The following CNTNAP3B variants were observed in gnomAD, a reference collection of about 807,000 sequenced individuals.
CNTNAP3B encodes the protein contactin associated protein family member 3B.
CNTNAP3B carries 25 observed loss-of-function variants against 108.9 expected under a neutral mutation model. The observed-to-expected ratio is 0.23, with a 90% CI of 0.17 to 0.32. The LOEUF is 0.32. Ranked by LOEUF, CNTNAP3B falls within the 10% of genes least tolerant of loss-of-function variation. The pLI is 1.00. For missense variants in CNTNAP3B, 252 were observed against 1,210.4 expected, an observed-to-expected ratio of 0.21 and a Z score of 11.75; for synonymous variants, 103 against 473.4, an observed-to-expected ratio of 0.22 and a Z score of 10.16.
chr9:41,979,944 C>CTTTTT (rs1214654461), intron 9 of CNTNAP3B: 1 of 42,386 alleles, frequency 2.4e-5, no homozygotes, highest in Non-Finnish European at 3.6e-5. Context: ...TTGAGGAAAC[C>CTTTTT]TTTTTTTTTT....
In CNTNAP3B at chr9:42,047,670, C is replaced by T. The variant is rs1365167211; in HGVS notation, c.390+29199G>A. Among the ~76,000 whole-genome samples, 3 of 13,242 alleles carry T rather than the reference C, an allele frequency of 2.3e-4. 1 individual carries two copies. The Admixed American group carries it at 3.2e-3, about 14-fold the overall frequency. The allele number at this position is 13,242 out of a possible 152,430, so 8.7% of individuals were successfully genotyped here. A position where few individuals can be genotyped will look rare whatever the true frequency, so the allele number is the denominator to read the frequency against. ...CCCCTTCCCCCCTCCCCCCTTCTGC[C>T]CCTTCCTCCCTTCCTTCCTTCCTTC... is the stretch of plus-strand genomic sequence containing the variant. On this transcript the variant is annotated intron_variant, in intron 3 of 23. Transcript: ENST00000377561.
chr9:42,097,773 A>G (rs1433604725), intron 2 of CNTNAP3B, among the ~76,000 whole-genome samples: 2 of 135,866 alleles, frequency 1.5e-5, no homozygotes, highest in East Asian at 4.4e-4. Context: ...GAACTGCTCT[A>G]TGGGGTTAGT....
intron 11 of CNTNAP3B, among the ~76,000 whole-genome samples, chr9:41,962,331 T>G (rs764184313): frequency 4.4e-4 from 66 of 151,262 alleles, no homozygotes; most frequent in South Asian, 4.3e-3. Context: ...CGTCAATTAT[T>G]AGATGAGACT....
intron 9 of CNTNAP3B, chr9:41,979,944 CTTTTTTTTTTTT>C (rs1214654461): frequency 7.1e-5 from 3 of 42,388 alleles, no homozygotes; most frequent in African/African-American, 1.4e-4. Flanking sequence ...TTGAGGAAAC[CTTTTTTTTTTTT>C]TTTTTTTTTT....
chr9:41,934,140 T>TATATATATACAC (rs1824076436), intron 14 of CNTNAP3B, among the ~76,000 whole-genome samples: 2 of 113,374 alleles, frequency 1.8e-5, no homozygotes, highest in African/African-American at 6.3e-5. Context: ...CATATATATA[T>TATATATATACAC]ACACACACAT....
At position 42,049,264 on chromosome 9, in the gene CNTNAP3B, C is replaced by G. The variant is rs967007619; in HGVS notation, c.390+27605G>C. On this transcript the variant is annotated intron_variant, in intron 3 of 23. Transcript: ENST00000377561. ...TAAACTCTGTGTTGACTGTACACCT[C>G]TAGATATTCCCAGATCTCTCACTCC... 1.5e-4 allele frequency among the ~76,000 whole-genome samples: 21 copies of G among 138,884 alleles called. 3 individuals carry two copies. Among genetic ancestry groups the G allele is most frequent in the African/African-American group, 6.0e-4 (21 of 34,856 alleles). 91.1% of individuals were successfully genotyped at this position (138,884 alleles called of 152,430 possible).
intron 15 of CNTNAP3B, among the ~76,000 whole-genome samples, chr9:41,926,387 A>G (rs1259297328): frequency 6.6e-6 from 1 of 152,310 alleles, no homozygotes; most frequent in Non-Finnish European, 1.5e-5. Context: ...TAAGGAAAGG[A>G]AAAGAGAAAC....
rs1412113873 is a variant in CNTNAP3B, at chr9:42,126,677, C to T, written c.85+2333G>A. 1.3e-4 allele frequency among the ~76,000 whole-genome samples: 17 copies of T among 135,704 alleles called. 4 individuals carry two copies. Among genetic ancestry groups the T allele is most frequent in the African/African-American group, 5.1e-4 (17 of 33,596 alleles). The allele number at this position is 135,704 out of a possible 152,430, so 89.0% of individuals were successfully genotyped here. ...CTCCACCTCCCAGGTTCAAGCGATTCTCCTGCCTCAGCCTCCCGAGTAGCT... is the reference window on the plus strand; with the variant it reads ...CTCCACCTCCCAGGTTCAAGCGATTTTCCTGCCTCAGCCTCCCGAGTAGCT... On this transcript the variant is annotated intron_variant, in intron 1 of 23. Transcript: ENST00000377561.
At chr9:42,014,419 G>A (rs1587199736) in intron 3 of CNTNAP3B, among the ~76,000 whole-genome samples, 1 of 87,236 alleles carries the variant, frequency 1.1e-5, no homozygotes, top group Non-Finnish European at 2.4e-5. Context: ...TAATATTTAT[G>A]TATGGAACAG....
At chr9:42,111,782 G>A (rs548832957) in intron 1 of CNTNAP3B, among the ~76,000 whole-genome samples, 1 of 138,390 alleles carries the variant, frequency 7.2e-6, no homozygotes, top group South Asian at 2.3e-4. Context: ...GTATATGGCA[G>A]CTTTTCCATT....
chr9:41,995,865 G>A (rs1333385168), intron 7 of CNTNAP3B, among the ~76,000 whole-genome samples: 57 of 141,032 alleles, frequency 4.0e-4, no homozygotes, highest in African/African-American at 1.3e-3. Context: ...GCGAAACCCC[G>A]TCTCTACTAA....
chr9:42,049,180 AT>A (rs1378367645), intron 3 of CNTNAP3B, among the ~76,000 whole-genome samples: 1 of 127,822 alleles, frequency 7.8e-6, no homozygotes, highest in Non-Finnish European at 1.6e-5. Context: ...CTTCAGCCTC[AT>A]TCCCATGGCC....
intron 15 of CNTNAP3B, among the ~76,000 whole-genome samples, chr9:41,927,555 G>A (rs1823855724): frequency 1.4e-5 from 2 of 148,046 alleles, no homozygotes; most frequent in Non-Finnish European, 3.0e-5. Flanking sequence ...GGGAGGGAGG[G>A]AGGAAGGAAG....
Position 41,990,197 on chromosome 9 carries a change from G to C in CNTNAP3B, c.1333+1413C>G, listed in dbSNP as rs547128531. ...TGAAACTGATTCACTATGTTGGTAG[G>C]CAATTTTATCTGTACTTATTTCCCT... On this transcript the variant is annotated intron_variant, in intron 8 of 23. Coordinates refer to ENST00000377561, the MANE Select transcript of CNTNAP3B (RefSeq NM_001201380.3). Among the ~76,000 whole-genome samples the C allele has an allele frequency of 1.9e-3, 267 of 137,746 alleles. 37 individuals are homozygous for C. The Middle Eastern group carries it at 0.028, about 14-fold the overall frequency. 90.4% of individuals were successfully genotyped at this position (137,746 alleles called of 152,430 possible). A position where few individuals can be genotyped will look rare whatever the true frequency, so the allele number is the denominator to read the frequency against.
chr9:41,957,921 C>T (rs28891679), intron 12 of CNTNAP3B, among the ~76,000 whole-genome samples: 29,967 of 146,686 alleles, frequency 0.2, 11 homozygotes, highest in South Asian at 0.27. Context: ...CCACTACGCC[C>T]GGCTAATTTT....
At chr9:41,961,924 T>C (rs538985954) in intron 11 of CNTNAP3B, among the ~76,000 whole-genome samples, 171 of 152,348 alleles carry the variant, frequency 1.1e-3, no homozygotes, top group Non-Finnish European at 1.9e-3. Context: ...TTATGGCATA[T>C]TGATTTAAAT....
chr9:42,003,076 T>C (rs574435682), intron 4 of CNTNAP3B, among the ~76,000 whole-genome samples: 2 of 133,858 alleles, frequency 1.5e-5, no homozygotes, highest in South Asian at 4.9e-4. Flanking sequence ...TTTCTAGAGA[T>C]GGGGGTCTCA....
intron 10 of CNTNAP3B, among the ~76,000 whole-genome samples, chr9:41,967,881 T>C (rs1279777178): frequency 2.0e-5 from 3 of 152,284 alleles, no homozygotes; most frequent in Non-Finnish European, 4.4e-5. Context: ...CAATGATTAT[T>C]GTACACATCA....
At chr9:42,103,440 C>A (rs1828040092) in intron 2 of CNTNAP3B, among the ~76,000 whole-genome samples, 1 of 70,612 alleles carries the variant, frequency 1.4e-5, no homozygotes, top group African/African-American at 6.7e-5. Context: ...AAAAAAAAGG[C>A]TGGGCGCGGT....
Sources: allele counts gnomAD v4.1 joint callset (sites outside exome capture counted in the v4.1 genomes callset), GRCh38; gene constraint gnomAD v4.1.1; transcripts MANE v1.5; gene names NCBI Gene and HGNC (gene_info 2026-07-23, HGNC 2026-07-21).